Variants in CYSLTR1 observed in about 807,000 individuals in gnomAD.
The protein encoded by CYSLTR1 is cysteinyl leukotriene receptor 1.
In CYSLTR1, 1 loss-of-function variant was observed where a neutral mutation model predicts 2.1. The observed-to-expected ratio is 0.48, with a 90% CI of 0.17 to 2.28. The LOEUF is 2.28. CYSLTR1 is among the 30% of genes most tolerant of loss of function. CYSLTR1 has a pLI of 0.26. For missense variants in CYSLTR1, 299 were observed against 250.1 expected, an observed-to-expected ratio of 1.20 and a Z score of -1.32; for synonymous variants, 110 against 89.6, an observed-to-expected ratio of 1.23 and a Z score of -1.28.
At position 78,272,413 on chromosome X, in the gene CYSLTR1, G is replaced by A. The variant is rs186575654; in HGVS notation, c.*320C>T. ...ATTGACTAATTTTATATATTTTATCGTTTGTAAAGCTTTTATTTGAAGAGG... is the reference window on the plus strand; with the variant it reads ...ATTGACTAATTTTATATATTTTATCATTTGTAAAGCTTTTATTTGAAGAGG... On this transcript the variant is annotated 3_prime_UTR_variant, in exon 3 of 3. Coordinates refer to ENST00000373304, the MANE Select transcript of CYSLTR1 (RefSeq NM_006639.4). The A allele has an allele frequency of 6.1e-4, 88 of 143,451 alleles. No individual in the cohort carries two copies. Among genetic ancestry groups the A allele is most frequent in the Middle Eastern group, 2.7e-3 (1 of 376 alleles). 11.8% of individuals were successfully genotyped at this position (143,451 alleles called of 1,213,427 possible).
intron 1 of CYSLTR1, among the ~76,000 whole-genome samples, chrX:78,291,888 A>G (rs1421516285): frequency 1.5e-5 from 1 of 67,538 alleles, no homozygotes; most frequent in East Asian, 4.3e-4. Flanking sequence ...CGGTCTATCA[A>G]TTTTGTTGAT....
intron 2 of CYSLTR1, among the ~76,000 whole-genome samples, chrX:78,274,405 A>G (rs772169829): frequency 1.5e-3 from 171 of 111,326 alleles, no homozygotes; most frequent in African/African-American, 5.4e-3. Context: ...AACAGAACAG[A>G]GCCCTCAGAA....
intron 1 of CYSLTR1, among the ~76,000 whole-genome samples, chrX:78,292,352 G>C (rs1922379303): frequency 8.9e-6 from 1 of 112,105 alleles, no homozygotes; most frequent in Non-Finnish European, 1.9e-5. Flanking sequence ...TGTGATTTCT[G>C]TTCTTTTACA....
intron 1 of CYSLTR1, among the ~76,000 whole-genome samples, chrX:78,299,034 A>G (rs1922700163): frequency 9.0e-6 from 1 of 110,564 alleles, no homozygotes; most frequent in African/African-American, 3.3e-5. Context: ...TTGTGCATCC[A>G]TTGTACATTG....
chrX:78,274,349 A>C (rs1435164295), intron 2 of CYSLTR1, among the ~76,000 whole-genome samples: 1 of 111,183 alleles, frequency 9.0e-6, no homozygotes, highest in Non-Finnish European at 1.9e-5. Context: ...ACAGCATGGT[A>C]CTGGTACCAA....
Position 78,299,494 on chromosome X carries a change from GT to G in CYSLTR1, c.-114-15955del, listed in dbSNP as rs1188788337. Among the ~76,000 whole-genome samples the G allele has an allele frequency of 8.5e-5, 9 of 105,530 alleles. No individual in the cohort carries two copies. The South Asian group carries it at 1.2e-3, about 14-fold the overall frequency. 91.6% of individuals were successfully genotyped at this position (105,530 alleles called of 115,157 possible). On this transcript the variant is annotated intron_variant, in intron 1 of 2. Coordinates refer to ENST00000373304, the MANE Select transcript of CYSLTR1 (RefSeq NM_006639.4). Reference sequence around the variant, plus strand: ...GATCTGATGATAATAAAATTTCTCAGTTTTTTTTTTGTCTGGGAAAGTCTTT... The same window carrying G: ...GATCTGATGATAATAAAATTTCTCAGTTTTTTTTTGTCTGGGAAAGTCTTT...
intron 2 of CYSLTR1, among the ~76,000 whole-genome samples, chrX:78,278,353 C>A (rs925635993): frequency 8.9e-6 from 1 of 111,857 alleles, no homozygotes; most frequent in Admixed American, 9.5e-5. Flanking sequence ...ACATCAAGAA[C>A]ACAAGCCCAT....
At chrX:78,295,212 T>C (rs1195242107) in intron 1 of CYSLTR1, among the ~76,000 whole-genome samples, 1 of 111,854 alleles carries the variant, frequency 8.9e-6, no homozygotes, top group Non-Finnish European at 1.9e-5. Flanking sequence ...ATTAAAGTCA[T>C]TATTTTATGC....
chrX:78,289,009 A>G, intron 1 of CYSLTR1, among the ~76,000 whole-genome samples: 1 of 110,056 alleles, frequency 9.1e-6, no homozygotes, highest in Non-Finnish European at 1.9e-5. Flanking sequence ...ACATGTGCAC[A>G]ACGTGCAGGT....
chrX:78,285,944 A>T (rs1922051062), intron 1 of CYSLTR1, among the ~76,000 whole-genome samples: 1 of 111,752 alleles, frequency 8.9e-6, no homozygotes, highest in South Asian at 3.7e-4. Flanking sequence ...ATGTGGTTGT[A>T]TGATTTTGAT....
chrX:78,290,039 A>G (rs1212611253), intron 1 of CYSLTR1, among the ~76,000 whole-genome samples: 2 of 111,840 alleles, frequency 1.8e-5, no homozygotes, highest in African/African-American at 3.3e-5. Context: ...GGCTTTGCCA[A>G]TCCCTTGTCC....
chrX:78,283,302 G>C (rs1309021512), intron 2 of CYSLTR1, among the ~76,000 whole-genome samples, 152 bp downstream of exon 2: 1 of 111,978 alleles, frequency 8.9e-6, no homozygotes, highest in African/African-American at 3.2e-5. Context: ...TATTGTAAAA[G>C]CCGTCTTAGC....
At chrX:78,316,785 G>A (rs985090560) in intron 1 of CYSLTR1, among the ~76,000 whole-genome samples, 5 of 111,981 alleles carry the variant, frequency 4.5e-5, no homozygotes, top group African/African-American at 1.3e-4. Flanking sequence ...CAAGCCACAC[G>A]TAGAAGAATG....
At chrX:78,298,940 T>G (rs1166355760) in intron 1 of CYSLTR1, among the ~76,000 whole-genome samples, 2 of 111,161 alleles carry the variant, frequency 1.8e-5, no homozygotes, top group African/African-American at 3.3e-5. Context: ...TTGTTTTATA[T>G]TCTTCTCTTC....
At chrX:78,320,087 T>C (rs1195076801) in intron 1 of CYSLTR1, 2 of 112,277 alleles carry the variant, frequency 1.8e-5, no homozygotes, top group African/African-American at 3.2e-5. Flanking sequence ...GTAGTTTCTT[T>C]TGCTGTGCAG....
intron 1 of CYSLTR1, among the ~76,000 whole-genome samples, chrX:78,324,846 A>G (rs779777732): frequency 5.4e-5 from 6 of 111,428 alleles, no homozygotes; most frequent in Admixed American, 9.6e-5. Context: ...CTGAAACGCA[A>G]ATAACACTGG....
At chrX:78,311,202 A>C (rs1227818455) in intron 1 of CYSLTR1, among the ~76,000 whole-genome samples, 5 of 111,207 alleles carry the variant, frequency 4.5e-5, no homozygotes, top group African/African-American at 1.3e-4. Context: ...GGTTCAGCTC[A>C]TTGAAAGATT....
At chrX:78,287,718 C>G (rs1160501448) in intron 1 of CYSLTR1, among the ~76,000 whole-genome samples, 1 of 111,270 alleles carries the variant, frequency 9.0e-6, no homozygotes, top group African/African-American at 3.3e-5. Flanking sequence ...TCTAGATAAA[C>G]TAGTGCATAG....
chrX:78,301,218 G>T (rs1922809081), intron 1 of CYSLTR1, among the ~76,000 whole-genome samples: 1 of 112,535 alleles, frequency 8.9e-6, no homozygotes, highest in Non-Finnish European at 1.9e-5. Flanking sequence ...TTTCCCCATT[G>T]TCTTGGTGAT....
Sources: allele counts gnomAD v4.1 joint callset (sites outside exome capture counted in the v4.1 genomes callset), GRCh38; gene constraint gnomAD v4.1.1; transcripts MANE v1.5; gene names NCBI Gene and HGNC (gene_info 2026-07-23, HGNC 2026-07-21).